The following NECAB2 variants were observed in gnomAD, a reference collection of about 807,000 sequenced individuals.
NECAB2 encodes N-terminal EF-hand calcium binding protein 2.
A neutral mutation model predicts 51.9 loss-of-function variants in NECAB2; 68 were observed. That is an observed-to-expected ratio of 1.31 (90% CI 1.08 to 1.60). NECAB2 has a LOEUF of 1.60. Among genes scored for constraint, NECAB2 ranks in the 40% most tolerant of loss-of-function variants. The pLI, the probability that NECAB2 is intolerant of heterozygous loss-of-function variation, is 0.00. For synonymous variants in NECAB2, 329 were observed against 203.5 expected (o/e 1.62, Z -5.25); for missense variants, 854 against 490.3 (o/e 1.74, Z -7.00).
intron 5 of NECAB2, among the ~76,000 whole-genome samples, chr16:83,985,607 T>C (rs2084543337): frequency 6.6e-6 from 1 of 150,814 alleles, no homozygotes; most frequent in African/African-American, 2.4e-5. Flanking sequence ...CACTCCAGCC[T>C]GGGCAACAAG....
chr16:83,968,520 C>A lies in NECAB2; in HGVS notation c.-129C>A. 1.3e-6 allele frequency: 1 copy of A among 782,328 alleles called. No individual in the cohort carries two copies. Among genetic ancestry groups the A allele is most frequent in the Non-Finnish European group, 1.5e-6 (1 of 647,964 alleles). The allele number at this position is 782,328 out of a possible 1,614,324, so 48.5% of individuals were successfully genotyped here. On this transcript the variant is annotated 5_prime_UTR_variant, in exon 1 of 13. Transcript: ENST00000305202. ...GGCGCCGGCCAGTCCCCGCGGTGTC[C>A]GCGGCCGCGGGGGCAGCGGGAGAGA... is the stretch of plus-strand genomic sequence containing the variant.
chr16:83,999,104 C>T (rs2084769524), intron 10 of NECAB2, among the ~76,000 whole-genome samples: 2 of 152,204 alleles, frequency 1.3e-5, no homozygotes, highest in South Asian at 2.1e-4. Flanking sequence ...CAGGTCCTAG[C>T]ACAGGGTCTT....
rs201650065 is a variant in NECAB2 at position 83,994,696 on chromosome 16, C to G, written c.795+8C>G. On this transcript the variant is annotated splice_region_variant and intron_variant, in intron 8 of 12. Transcript: ENST00000305202. ...GGGAGGCTGGAGAGCAAAGTAAGCC[C>G]TGGCCTGACCACGGCGTCTACTCCT... is the stretch of plus-strand genomic sequence containing the variant. The G allele has an allele frequency of 1.4e-4, 226 of 1,613,938 alleles. No homozygotes were observed. Among genetic ancestry groups the G allele is most frequent in the Non-Finnish European group, 1.9e-4 (224 of 1,179,988 alleles).
At position 83,998,437 on chromosome 16, in the gene NECAB2, C is replaced by T. The variant is rs188296947; in HGVS notation, c.962+120C>T. On this transcript the variant is annotated intron_variant, in intron 10 of 12. Coordinates refer to ENST00000305202, the MANE Select transcript of NECAB2 (RefSeq NM_019065.3). ...ACAAGTTGCACCCCAGGGACACACA[C>T]AGCTGGATGCGTAAGAAGTGGGTTC... 2,291 of 886,014 alleles carry T rather than the reference C, an allele frequency of 2.6e-3. 8 individuals carry two copies. The highest frequency in any genetic ancestry group is 3.6e-3 in the Non-Finnish European group (2,098 of 583,070). The allele number at this position is 886,014 out of a possible 1,614,324, so 54.9% of individuals were successfully genotyped here.
At chr16:83,998,165 T>C (rs1428627979) in intron 9 of NECAB2, 40 bp from the exon 10 acceptor site, 11 of 1,585,908 alleles carry the variant, frequency 6.9e-6, no homozygotes, top group Non-Finnish European at 9.4e-6. Context: ...GGAGAAGGCC[T>C]GACGTGGAGC....
At chr16:83,998,472 C>T (rs747819588) in intron 10 of NECAB2, among the ~76,000 whole-genome samples, 155 bp downstream of exon 10, 7 of 152,166 alleles carry the variant, frequency 4.6e-5, no homozygotes, top group African/African-American at 1.7e-4. Flanking sequence ...CAGGTCTCTA[C>T]TGAGGTTCCT....
intron 8 of NECAB2, 74 bp from the exon 9 acceptor site, chr16:83,997,142 A>G: frequency 6.3e-7 from 1 of 1,590,588 alleles, no homozygotes; most frequent in Non-Finnish European, 8.6e-7. Context: ...AGCCCCAGGG[A>G]TCCCAGAGCT....
intron 2 of NECAB2, among the ~76,000 whole-genome samples, chr16:83,973,323 G>A (rs546966204): frequency 5.3e-5 from 8 of 152,140 alleles, no homozygotes; most frequent in Non-Finnish European, 8.8e-5. Flanking sequence ...CTCCCACCCA[G>A]GGCGGTTGCA....
chr16:83,992,014 G>C (rs8053551), intron 6 of NECAB2, among the ~76,000 whole-genome samples: 185 of 152,158 alleles, frequency 1.2e-3, no homozygotes, highest in African/African-American at 4.1e-3. Flanking sequence ...CTGCACTCTC[G>C]GCATCACATG....
At chr16:83,965,923 G>A, upstream of NECAB2, 1 of 1,612,666 alleles carries the variant, frequency 6.2e-7, no homozygotes, top group Non-Finnish European at 8.5e-7. Flanking sequence ...CGCTGGCCGG[G>A]GACAACTTCG....
At chr16:83,990,419 A>C (rs1285590962) in intron 5 of NECAB2, 75 bp from the exon 6 acceptor site, 26 of 1,556,466 alleles carry the variant, frequency 1.7e-5, no homozygotes, top group Non-Finnish European at 2.2e-5. Context: ...CTTTCCCCCA[A>C]CTCCTGTGCT....
chr16:83,998,107 T>G, intron 9 of NECAB2, 98 bp from the exon 10 acceptor site: 1 of 1,060,836 alleles, frequency 9.4e-7, no homozygotes, highest in Non-Finnish European at 1.4e-6. Context: ...AGGGTTATTT[T>G]ATTTTGACCG....
At chr16:83,972,782 T>C (rs574125953) in intron 2 of NECAB2, among the ~76,000 whole-genome samples, 83 of 152,316 alleles carry the variant, frequency 5.4e-4, no homozygotes, top group Non-Finnish European at 9.3e-4. Context: ...ACGGAATTCA[T>C]AGCGCTCCAC....
chr16:83,965,543 C>G (rs977567416), upstream of NECAB2: 4 of 1,612,822 alleles, frequency 2.5e-6, 1 homozygote, highest in Non-Finnish European at 1.7e-6. Flanking sequence ...CGACCCTGGC[C>G]TGGTGTTCAA....
intron 6 of NECAB2, among the ~76,000 whole-genome samples, chr16:83,992,203 G>C (rs922809687): frequency 1.9e-5 from 2 of 105,888 alleles, no homozygotes; most frequent in African/African-American, 2.0e-4. Context: ...TGAAAGAGGA[G>C]TGTTTCTTTC....
intron 8 of NECAB2, among the ~76,000 whole-genome samples, chr16:83,996,747 A>G (rs753553118): frequency 6.6e-6 from 1 of 152,106 alleles, no homozygotes; most frequent in African/African-American, 2.4e-5. Flanking sequence ...AACAGAGCAG[A>G]TGTGGTTCCT....
intron 10 of NECAB2, among the ~76,000 whole-genome samples, chr16:83,999,210 G>A (rs540280165): frequency 5.9e-5 from 9 of 152,294 alleles, no homozygotes; most frequent in East Asian, 1.9e-4. Context: ...GCAGGAGTGC[G>A]GCCGTTCCCG....
intron 5 of NECAB2, among the ~76,000 whole-genome samples, chr16:83,988,288 T>G (rs1218778707): frequency 2.0e-5 from 3 of 152,316 alleles, no homozygotes; most frequent in African/African-American, 7.2e-5. Context: ...TACCTTTTGG[T>G]GGTCTGCCCT....
At chr16:83,976,880 C>T (rs1274840156) in intron 2 of NECAB2, among the ~76,000 whole-genome samples, 1 of 152,222 alleles carries the variant, frequency 6.6e-6, no homozygotes. Flanking sequence ...TGAGCTCCAG[C>T]AGAGCTGCTG....
Sources: allele counts gnomAD v4.1 joint callset (sites outside exome capture counted in the v4.1 genomes callset), GRCh38; gene constraint gnomAD v4.1.1; transcripts MANE v1.5; gene names NCBI Gene and HGNC (gene_info 2026-07-23, HGNC 2026-07-21).